Variants in DLG2 observed in about 807,000 individuals in gnomAD.
DLG2 encodes discs large MAGUK scaffold protein 2.
In DLG2, 45 loss-of-function variants were observed where a neutral mutation model predicts 132.5. The ratio of observed to expected loss-of-function variants is 0.34; its 90% CI spans 0.27 to 0.44. DLG2 has a LOEUF of 0.44. Among genes scored for constraint, DLG2 ranks in the 20% least tolerant of loss-of-function variants. The pLI is 1.00. For synonymous variants in DLG2, 424 were observed against 419.6 expected (o/e 1.01, Z -0.13); for missense variants, 1,045 against 1,196.9 (o/e 0.87, Z 1.87).
chr11:84,255,626 C>T (rs2097456295), intron 7 of DLG2, among the ~76,000 whole-genome samples: 1 of 152,108 alleles, frequency 6.6e-6, no homozygotes, highest in Non-Finnish European at 1.5e-5. Context: ...TCCGGCCATA[C>T]ACTCTCTTTC....
At chr11:83,882,154 T>C (rs112929984) in intron 15 of DLG2, among the ~76,000 whole-genome samples, 4,842 of 152,052 alleles carry the variant, frequency 0.032, 99 homozygotes, top group Non-Finnish European at 0.048. Context: ...CAAGTCAATT[T>C]GGTATGCCAA....
At chr11:84,381,689 A>C (rs1344493522) in intron 7 of DLG2, among the ~76,000 whole-genome samples, 1 of 152,218 alleles carries the variant, frequency 6.6e-6, no homozygotes, top group Non-Finnish European at 1.5e-5. Context: ...CCTCCCTCCT[A>C]AAATGCTAAT....
chr11:85,055,195 T>C (rs1031534151), intron 6 of DLG2, among the ~76,000 whole-genome samples: 5 of 152,152 alleles, frequency 3.3e-5, no homozygotes, highest in African/African-American at 4.8e-5. Flanking sequence ...ATTATAACTT[T>C]TCTTTTGGAA....
At chr11:83,748,268 A>G (rs936104819) in intron 18 of DLG2, among the ~76,000 whole-genome samples, 2 of 152,196 alleles carry the variant, frequency 1.3e-5, no homozygotes, top group African/African-American at 4.8e-5. Context: ...AGTTCTAACT[A>G]TCAACCACAC....
intron 21 of DLG2, among the ~76,000 whole-genome samples, chr11:83,516,927 C>T (rs1043368261): frequency 1.3e-5 from 2 of 152,116 alleles, no homozygotes; most frequent in Non-Finnish European, 2.9e-5. Flanking sequence ...TTTTGGGTAA[C>T]CTGACCTTTC....
intron 7 of DLG2, among the ~76,000 whole-genome samples, chr11:84,409,356 G>T (rs1448032350): frequency 2.6e-5 from 4 of 152,186 alleles, no homozygotes; most frequent in Non-Finnish European, 4.4e-5. Flanking sequence ...TCAGCAGCAA[G>T]AGTGGAATCC....
At chr11:85,587,877 T>C (rs1399207721) in intron 3 of DLG2, among the ~76,000 whole-genome samples, 1 of 152,208 alleles carries the variant, frequency 6.6e-6, no homozygotes, top group African/African-American at 2.4e-5. Flanking sequence ...GCATTTCTTG[T>C]GGTGCTGACT....
intron 18 of DLG2, among the ~76,000 whole-genome samples, chr11:83,782,385 A>T (rs1376236309): frequency 6.6e-6 from 1 of 152,230 alleles, no homozygotes; most frequent in Non-Finnish European, 1.5e-5. Context: ...AAAATGAGTG[A>T]CAGAAGGGTC....
chr11:84,194,260 C>G (rs2096469846), intron 8 of DLG2, among the ~76,000 whole-genome samples: 1 of 152,132 alleles, frequency 6.6e-6, no homozygotes, highest in Non-Finnish European at 1.5e-5. Flanking sequence ...AAGAATGAAG[C>G]CGTGGACCCT....
At chr11:85,596,831 C>T (rs744173) in intron 3 of DLG2, among the ~76,000 whole-genome samples, 9,638 of 152,186 alleles carry the variant, frequency 0.063, 991 homozygotes, top group African/African-American at 0.22. Flanking sequence ...GTAAGACCGC[C>T]CAAACATTCA....
At chr11:84,475,493 T>C (rs1021701807) in intron 7 of DLG2, among the ~76,000 whole-genome samples, 4 of 152,116 alleles carry the variant, frequency 2.6e-5, no homozygotes, top group Admixed American at 1.3e-4. Flanking sequence ...CCCAGGGCTG[T>C]TTTCTGGCAC....
At chr11:85,595,991 G>A (rs913339117) in intron 3 of DLG2, among the ~76,000 whole-genome samples, 15 of 152,072 alleles carry the variant, frequency 9.9e-5, no homozygotes, top group African/African-American at 3.6e-4. Flanking sequence ...AGTGGCTCAA[G>A]CCTATAATCC....
intron 18 of DLG2, among the ~76,000 whole-genome samples, chr11:83,678,864 A>G (rs1374804214): frequency 2.6e-5 from 4 of 152,182 alleles, no homozygotes; most frequent in Non-Finnish European, 5.9e-5. Flanking sequence ...CAAATTTTAT[A>G]CTTCGGTAAA....
At chr11:84,704,532 T>A (rs115663713) in intron 6 of DLG2, among the ~76,000 whole-genome samples, 3,807 of 151,566 alleles carry the variant, frequency 0.025, 166 homozygotes, top group African/African-American at 0.088. Context: ...GCACCTACTA[T>A]GTGTGAGGTA....
rs2078021088 is a variant in DLG2 at position 83,921,980 on chromosome 11, T to C, written c.1496+8348A>G. 2.6e-5 allele frequency among the ~76,000 whole-genome samples: 4 copies of C among 152,122 alleles called. No homozygotes were observed. In the South Asian group the frequency reaches 8.3e-4, roughly 31 times the overall value. ...TCCCAACTCTGTTATCTCAAGGTAT[T>C]TGACCCTCATGAAGCCTCCTGACTC... On this transcript the variant is annotated intron_variant, in intron 15 of 27. Transcript: ENST00000376104.
At chr11:84,349,242 T>A (rs1240986078) in intron 7 of DLG2, among the ~76,000 whole-genome samples, 1 of 152,114 alleles carries the variant, frequency 6.6e-6, no homozygotes, top group Non-Finnish European at 1.5e-5. Flanking sequence ...GTAGGGGTGC[T>A]GGGGACAGAA....
chr11:84,829,175 T>C (rs2078708764), intron 6 of DLG2, among the ~76,000 whole-genome samples: 1 of 151,748 alleles, frequency 6.6e-6, no homozygotes, highest in Non-Finnish European at 1.5e-5. Context: ...ACTGTCCTTC[T>C]TCCTGTGTGA....
At chr11:85,210,897 G>A (rs1246702433) in intron 4 of DLG2, among the ~76,000 whole-genome samples, 1 of 151,970 alleles carries the variant, frequency 6.6e-6, no homozygotes, top group Non-Finnish European at 1.5e-5. Flanking sequence ...ATAATAGCCT[G>A]AAGGCTCTCC....
At chr11:84,225,852 C>G (rs1386316301) in intron 8 of DLG2, among the ~76,000 whole-genome samples, 1 of 151,456 alleles carries the variant, frequency 6.6e-6, no homozygotes, top group East Asian at 1.9e-4. Context: ...ACTTTGTTGC[C>G]CAGGCCGAAG....
Sources: allele counts gnomAD v4.1 joint callset (sites outside exome capture counted in the v4.1 genomes callset), GRCh38; gene constraint gnomAD v4.1.1; transcripts MANE v1.5; gene names NCBI Gene and HGNC (gene_info 2026-07-23, HGNC 2026-07-21).